The following LDB2 variants were observed in gnomAD, a reference collection of about 807,000 sequenced individuals.
LDB2 encodes LIM domain binding 2.
In LDB2, 12 loss-of-function variants were observed where a neutral mutation model predicts 44.3. That is an observed-to-expected ratio of 0.27 (90% CI 0.17 to 0.44). LDB2 has a LOEUF of 0.44. Among genes scored for constraint, LDB2 ranks in the 20% least tolerant of loss-of-function variants. The pLI is 1.00. For synonymous variants in LDB2, 164 were observed against 174.8 expected, an observed-to-expected ratio of 0.94 and a Z score of 0.49; for missense variants, 344 against 473.5, an observed-to-expected ratio of 0.73 and a Z score of 2.54.
At chr4:16,712,392 A>C (rs1363582358) in intron 2 of LDB2, among the ~76,000 whole-genome samples, 2 of 152,078 alleles carry the variant, frequency 1.3e-5, no homozygotes, top group Non-Finnish European at 2.9e-5. Context: ...TCTCTACTAA[A>C]AATTTGAAAA....
Position 16,898,464 on chromosome 4 carries a change from G to A in LDB2, c.22C>T (p.Pro8Ser), listed in dbSNP as rs1241862302. The A allele has an allele frequency of 6.2e-7, 1 of 1,613,632 alleles. No individual in the cohort carries two copies. The highest frequency in any genetic ancestry group is 8.5e-7 in the Non-Finnish European group (1 of 1,179,904). The change falls in exon 1 of 8, where the codon CCC (proline) becomes TCC (serine). Residue 8 changes from proline (P) to serine (S), a missense_variant. Around this residue, in one of 3 missense-constraint regions of LDB2, gnomAD observed 226 missense variants for 270.1 expected, o/e 0.84. Coordinates refer to ENST00000304523, the MANE Select transcript of LDB2 (RefSeq NM_001290.5). MSSTPHD[P>S]FYSSPFGPFY... ...GGGCCGAAAGGAGAAGAATAGAAGG[G>A]GTCATGTGGTGTGCTGGACATCTTG...
At chr4:16,583,745 G>A (rs1340778025) in intron 5 of LDB2, among the ~76,000 whole-genome samples, 1 of 152,152 alleles carries the variant, frequency 6.6e-6, no homozygotes, top group African/African-American at 2.4e-5. Flanking sequence ...AGCGGCCCAC[G>A]TCAGCCCGAA....
At chr4:16,609,550 C>A (rs1370104219) in intron 2 of LDB2, among the ~76,000 whole-genome samples, 17 of 152,202 alleles carry the variant, frequency 1.1e-4, no homozygotes. Flanking sequence ...GGTCCCAAGA[C>A]GTGTCCCCAC....
chr4:16,672,003 C>T (rs1744901812), intron 2 of LDB2, among the ~76,000 whole-genome samples: 1 of 152,194 alleles, frequency 6.6e-6, no homozygotes, highest in Admixed American at 6.5e-5. Flanking sequence ...TCCTGGCTCT[C>T]TGGAGAGGTG....
At chr4:16,794,149 C>G (rs900527012) in intron 1 of LDB2, among the ~76,000 whole-genome samples, 13 of 152,140 alleles carry the variant, frequency 8.5e-5, no homozygotes, top group Admixed American at 7.9e-4. Flanking sequence ...TTAAAGCCCA[C>G]AACAAGCAGC....
At chr4:16,510,750 T>C (rs915375009) in intron 6 of LDB2, among the ~76,000 whole-genome samples, 2 of 152,188 alleles carry the variant, frequency 1.3e-5, no homozygotes, top group African/African-American at 4.8e-5. Context: ...TTTAAAGTTA[T>C]GGTAAGGATT....
chr4:16,716,548 G>C (rs866528246), intron 2 of LDB2, among the ~76,000 whole-genome samples: 7 of 152,096 alleles, frequency 4.6e-5, no homozygotes, highest in South Asian at 2.1e-4. Flanking sequence ...ATAAACTTTC[G>C]TCACCAATGA....
chr4:16,892,436 T>G (rs1000589531), intron 1 of LDB2, among the ~76,000 whole-genome samples: 1 of 152,224 alleles, frequency 6.6e-6, no homozygotes. Context: ...TCATATTGAT[T>G]TTTAAAAATT....
At chr4:16,833,229 G>C (rs1470870380) in intron 1 of LDB2, among the ~76,000 whole-genome samples, 1 of 152,036 alleles carries the variant, frequency 6.6e-6, no homozygotes, top group Non-Finnish European at 1.5e-5. Flanking sequence ...ATTCATAAAA[G>C]GGAATATGTC....
intron 2 of LDB2, among the ~76,000 whole-genome samples, chr4:16,623,598 A>AAAAT (rs35645848): frequency 0.38 from 56,577 of 150,354 alleles, 10,768 homozygotes; most frequent in East Asian, 0.56. Context: ...CTCTGTCTCA[A>AAAAT]AAATAAATAA....
chr4:16,567,748 C>T (rs1266166253), intron 5 of LDB2, among the ~76,000 whole-genome samples: 2 of 152,096 alleles, frequency 1.3e-5, no homozygotes, highest in South Asian at 2.1e-4. Flanking sequence ...CCAGCCTGGG[C>T]GACAGAGCGA....
intron 1 of LDB2, among the ~76,000 whole-genome samples, chr4:16,814,130 A>G (rs374231062): frequency 1.3e-5 from 2 of 152,196 alleles, no homozygotes; most frequent in African/African-American, 4.8e-5. Context: ...TCGGCCTTCC[A>G]AAGTGTTGGG....
chr4:16,833,481 T>A (rs1784376838), intron 1 of LDB2, among the ~76,000 whole-genome samples: 1 of 152,030 alleles, frequency 6.6e-6, no homozygotes, highest in Admixed American at 6.6e-5. Flanking sequence ...TCTTGCGGTA[T>A]CTCCTTTCAC....
intron 5 of LDB2, among the ~76,000 whole-genome samples, chr4:16,546,632 AC>A (rs1332493528): frequency 6.6e-6 from 1 of 151,754 alleles, no homozygotes; most frequent in African/African-American, 2.4e-5. Flanking sequence ...GCTCCTTGCC[AC>A]CCCCTTCCCA....
chr4:16,511,243 A>G (rs1316059544), intron 6 of LDB2, among the ~76,000 whole-genome samples: 4 of 152,162 alleles, frequency 2.6e-5, no homozygotes, highest in African/African-American at 9.7e-5. Flanking sequence ...AAATGGCTAC[A>G]TTTTGCTTTT....
intron 1 of LDB2, among the ~76,000 whole-genome samples, chr4:16,897,941 CATATGTAT>C (rs1333658412): frequency 1.7e-3 from 18 of 10,506 alleles, no homozygotes; most frequent in African/African-American, 0.011. Context: ...TATATATACA[CATATGTAT>C]ATATATATAT....
chr4:16,709,699 A>G (rs1755440369), intron 2 of LDB2, among the ~76,000 whole-genome samples: 1 of 152,228 alleles, frequency 6.6e-6, no homozygotes, highest in Non-Finnish European at 1.5e-5. Context: ...ATACCATTTT[A>G]CATTAAAAGA....
intron 1 of LDB2, among the ~76,000 whole-genome samples, chr4:16,897,762 A>T (rs1475926574): frequency 6.6e-6 from 1 of 151,480 alleles, no homozygotes; most frequent in Non-Finnish European, 1.5e-5. Flanking sequence ...AAATATACAA[A>T]CATGTGTCCC....
intron 2 of LDB2, among the ~76,000 whole-genome samples, chr4:16,643,965 T>G (rs771536128): frequency 1.3e-5 from 2 of 152,232 alleles, no homozygotes; most frequent in Admixed American, 6.5e-5. Flanking sequence ...TGGTCTCTCC[T>G]AAACAACAAA....
Sources: gnomAD v4.1 joint callset for allele counts (sites outside exome capture counted in the v4.1 genomes callset) on GRCh38, gnomAD v4.1.1 for gene constraint, gnomAD v4.1.1 regional missense constraint, MANE v1.5 for transcripts, NCBI Gene and HGNC (gene_info 2026-07-23, HGNC 2026-07-21) for gene names.